Variants in EXOC5 observed in about 807,000 individuals in gnomAD.
EXOC5 encodes SEC10-like 1.
EXOC5 carries 17 observed loss-of-function variants against 90.8 expected under a neutral mutation model. That is an observed-to-expected ratio of 0.19 (90% CI 0.13 to 0.28). EXOC5 has a LOEUF of 0.28. EXOC5 is among the 10% of genes least tolerant of loss of function. The pLI, the probability that EXOC5 is intolerant of heterozygous loss-of-function variation, is 1.00. For synonymous variants in EXOC5, 260 were observed against 270.0 expected, an observed-to-expected ratio of 0.96 and a Z score of 0.36; for missense variants, 569 against 830.6, an observed-to-expected ratio of 0.69 and a Z score of 3.87.
intron 6 of EXOC5, among the ~76,000 whole-genome samples, chr14:57,236,720 T>C (rs534549392): frequency 1.3e-3 from 205 of 152,280 alleles, no homozygotes; most frequent in African/African-American, 4.6e-3. Context: ...TTTGGGAATA[T>C]AGATGAATCT....
rs867644833 is a variant in EXOC5, at chr14:57,215,253, G to T, written c.1613+2729C>A. ...TCTCAAAAAAAAAAAAGAAGAAGAA[G>T]AATTAACACCAATCGTTCTCAAACT... is the stretch of plus-strand genomic sequence containing the variant. On this transcript the variant is annotated intron_variant, in intron 15 of 17. Transcript: ENST00000621441. 7.3e-5 allele frequency among the ~76,000 whole-genome samples: 11 copies of T among 151,674 alleles called. No individual in the cohort carries two copies. In the South Asian group the frequency reaches 1.9e-3, roughly 26 times the overall value.
intron 12 of EXOC5, 25 bp downstream of exon 12, chr14:57,229,709 A>G (rs1457719716): frequency 7.0e-7 from 1 of 1,436,160 alleles, no homozygotes; most frequent in Non-Finnish European, 9.3e-7. Flanking sequence ...CTGTATATGT[A>G]AAATACATTT....
At chr14:57,268,465 C>G (rs930637338) in intron 1 of EXOC5, 157 bp downstream of exon 1, 6 of 1,496,080 alleles carry the variant, frequency 4.0e-6, no homozygotes, top group East Asian at 2.6e-5. Flanking sequence ...ACGCTCCGCC[C>G]GCGCTGACAC....
chr14:57,218,252 C>A (rs1324815555), intron 14 of EXOC5, among the ~76,000 whole-genome samples, 184 bp from the exon 15 acceptor site: 1 of 151,878 alleles, frequency 6.6e-6, no homozygotes, highest in East Asian at 1.9e-4. Flanking sequence ...ATTCACTATG[C>A]CCAATTCATT....
At chr14:57,266,490 T>C (rs1432231434) in intron 1 of EXOC5, among the ~76,000 whole-genome samples, 2 of 152,142 alleles carry the variant, frequency 1.3e-5, no homozygotes, top group African/African-American at 2.4e-5. Flanking sequence ...TTGTAACTAT[T>C]ATGCTTTTAA....
In EXOC5 at chr14:57,208,543, G is replaced by A. The variant is rs1594643343; in HGVS notation, c.*66C>T. 7 of 1,199,316 alleles carry A rather than the reference G, an allele frequency of 5.8e-6. No individual in the cohort carries two copies. In the East Asian group the frequency reaches 1.6e-4, roughly 28 times the overall value. The allele number at this position is 1,199,316 out of a possible 1,614,324, so 74.3% of individuals were successfully genotyped here. On this transcript the variant is annotated 3_prime_UTR_variant, in exon 18 of 18. Coordinates refer to ENST00000621441, the MANE Select transcript of EXOC5 (RefSeq NM_006544.4). ...TCTCCTGTGCTTTCTATCAACCGAG[G>A]GCTGCTGAAGTATAAGACATTCCTC...
intron 1 of EXOC5, among the ~76,000 whole-genome samples, chr14:57,260,573 A>G (rs1884472566): frequency 6.6e-6 from 1 of 152,184 alleles, no homozygotes; most frequent in South Asian, 2.1e-4. Context: ...CATTTCGAAC[A>G]GTAAAGTTAT....
At chr14:57,226,717 T>G (rs947705022) in intron 12 of EXOC5, among the ~76,000 whole-genome samples, 3 of 152,200 alleles carry the variant, frequency 2.0e-5, no homozygotes, top group African/African-American at 7.2e-5. Flanking sequence ...ACAAAGGTTC[T>G]ACAGTAATTC....
In EXOC5 at chr14:57,207,960, T is replaced by C. The variant is rs1286278621; in HGVS notation, c.*649A>G. 1 of 152,140 alleles carries C rather than the reference T, an allele frequency of 6.6e-6. No individual in the cohort carries two copies. Among genetic ancestry groups the C allele is most frequent in the Non-Finnish European group, 1.5e-5 (1 of 68,016 alleles). 9.4% of individuals were successfully genotyped at this position (152,140 alleles called of 1,614,324 possible). ...TACCCAGAAAGCAGAAGTATTCCGA[T>C]CCACTCCTAATGTCTACATAAAATA... On this transcript the variant is annotated 3_prime_UTR_variant, in exon 18 of 18. Transcript: ENST00000621441.
rs1041355417 is a variant in EXOC5, at chr14:57,201,152, T to C, written c.*7457A>G. 7 of 152,136 alleles carry C rather than the reference T, an allele frequency of 4.6e-5. No individual in the cohort carries two copies. The highest frequency in any genetic ancestry group is 1.3e-4 in the Admixed American group (2 of 15,268). 9.4% of individuals were successfully genotyped at this position (152,136 alleles called of 1,614,324 possible). ...CATCTCATGCACAAATCTTGATTTC[T>C]AACTGCCAATTTCACTAAAAGGTGG... On this transcript the variant is annotated 3_prime_UTR_variant, in exon 18 of 18. Transcript: ENST00000621441.
At chr14:57,225,174 G>A (rs1205174362) in intron 12 of EXOC5, among the ~76,000 whole-genome samples, 1 of 152,112 alleles carries the variant, frequency 6.6e-6, no homozygotes, top group East Asian at 1.9e-4. Flanking sequence ...AAGGTCAATT[G>A]ATGACCAACT....
At position 57,247,692 on chromosome 14, in the gene EXOC5, T is replaced by G. The variant is rs1195984856; in HGVS notation, c.48A>C (p.Glu16Asp). 1.3e-6 allele frequency: 2 copies of G among 1,557,746 alleles called. No individual in the cohort carries two copies. The highest frequency in any genetic ancestry group is 1.7e-6 in the Non-Finnish European group (2 of 1,148,258). ...ELFEEPFVAD[E>D]YIERLVWRTP... ...TTCTCCATACAAGACGTTCAATATA[T>G]TCATCTGCCACAAAAGGCTCCTAGT... Residue 16 changes from glutamate (E) to aspartate (D), a missense_variant, in exon 2 of 18, where the codon GAA (glutamate) becomes GAC (aspartate). Glu to Asp is a conservative substitution (Grantham distance 45). This residue lies in a region of EXOC5 where 10 missense variants were observed against 32.7 expected (regional missense o/e 0.31). Transcript: ENST00000621441.
At chr14:57,228,854 A>T (rs1290821434) in intron 12 of EXOC5, among the ~76,000 whole-genome samples, 2 of 143,338 alleles carry the variant, frequency 1.4e-5, no homozygotes, top group Non-Finnish European at 3.1e-5. Context: ...TTAAAGTATA[A>T]AAAAAAAAAA....
rs1594692572 is a variant in EXOC5, at chr14:57,268,370, C to T, written c.27+252G>A. 6.8e-6 allele frequency: 7 copies of T among 1,026,248 alleles called. No individual in the cohort carries two copies. In the African/African-American group the frequency reaches 9.9e-5, roughly 15 times the overall value. The allele number at this position is 1,026,248 out of a possible 1,614,324, so 63.6% of individuals were successfully genotyped here. A position where few individuals can be genotyped will look rare whatever the true frequency, so the allele number is the denominator to read the frequency against. On this transcript the variant is annotated intron_variant, in intron 1 of 17. Coordinates refer to ENST00000621441, the MANE Select transcript of EXOC5 (RefSeq NM_006544.4). The stretch of plus-strand genomic sequence containing the variant: ...TCTTGCCCCCACAAACAAAAGCAAC[C>T]CTCCTCCCTTGGGACACCCGGCTTC...
At chr14:57,241,640 A>C (rs900806957) in intron 4 of EXOC5, among the ~76,000 whole-genome samples, 3 of 152,248 alleles carry the variant, frequency 2.0e-5, no homozygotes, top group Non-Finnish European at 4.4e-5. Flanking sequence ...AAGCACAGAT[A>C]TCTCTTAAGG....
At chr14:57,225,962 TGCA>T (rs1883295302) in intron 12 of EXOC5, among the ~76,000 whole-genome samples, 1 of 152,208 alleles carries the variant, frequency 6.6e-6, no homozygotes, top group Admixed American at 6.5e-5. Context: ...ATATACAATT[TGCA>T]TGTCAGAGGT....
chr14:57,250,865 T>G (rs1884168817), intron 1 of EXOC5, among the ~76,000 whole-genome samples: 1 of 152,188 alleles, frequency 6.6e-6, no homozygotes, highest in Admixed American at 6.5e-5. Flanking sequence ...CTACAATGTT[T>G]TTCTTAAAAG....
intron 4 of EXOC5, among the ~76,000 whole-genome samples, chr14:57,240,407 G>A (rs1883825566): frequency 6.6e-6 from 1 of 151,716 alleles, no homozygotes; most frequent in Admixed American, 6.6e-5. Context: ...TCAGCCTCCC[G>A]AGTAGCTGGG....
rs1882692657 is a variant in EXOC5 at position 57,207,458 on chromosome 14, AT to A, written c.*1150del. ...TGGCCTTTCTAAATTTTCACTTGAT[AT>A]TTAAAATTTTATAAGTGATTTATTA... On this transcript the variant is annotated 3_prime_UTR_variant, in exon 18 of 18. Transcript: ENST00000621441. 1 of 152,456 alleles carries A rather than the reference AT, an allele frequency of 6.6e-6. No homozygotes were observed. Among genetic ancestry groups the A allele is most frequent in the South Asian group, 2.1e-4 (1 of 4,836 alleles). The allele number at this position is 152,456 out of a possible 1,614,324, so 9.4% of individuals were successfully genotyped here. A position where few individuals can be genotyped will look rare whatever the true frequency, so the allele number is the denominator to read the frequency against.
Sources: allele counts gnomAD v4.1 joint callset (sites outside exome capture counted in the v4.1 genomes callset), GRCh38; gene constraint gnomAD v4.1.1; regional missense constraint gnomAD v4.1.1; transcripts MANE v1.5; gene names NCBI Gene and HGNC (gene_info 2026-07-23, HGNC 2026-07-21).